The following ENTHD1 variants were observed in gnomAD, a reference collection of about 807,000 sequenced individuals.
ENTHD1 encodes the protein ENTH domain containing 1.
A neutral mutation model predicts 39.1 loss-of-function variants in ENTHD1; 23 were observed. That is an observed-to-expected ratio of 0.59 (90% CI 0.42 to 0.83). The LOEUF (loss-of-function observed/expected upper bound fraction) is 0.83. ENTHD1 is among the 40% of genes least tolerant of loss of function. The probability of loss-of-function intolerance (pLI) is 0.00; values close to 1 mark genes in which losing one functional copy is unlikely to be tolerated. For missense variants in ENTHD1, 624 were observed against 705.4 expected (o/e 0.88, Z 1.31); for synonymous variants, 230 against 258.2 (o/e 0.89, Z 1.05).
intron 3 of ENTHD1, among the ~76,000 whole-genome samples, chr22:39,854,001 G>A (rs1601643370): frequency 6.6e-6 from 1 of 152,342 alleles, no homozygotes; most frequent in East Asian, 1.9e-4. Flanking sequence ...CATCCTGGAA[G>A]CTCAGGGCAC....
chr22:39,863,369 A>T (rs549887176), intron 2 of ENTHD1, among the ~76,000 whole-genome samples: 3 of 152,352 alleles, frequency 2.0e-5, no homozygotes, highest in Admixed American at 1.3e-4. Context: ...GCTTTTTAAC[A>T]GAGTGACAGA....
intron 5 of ENTHD1, among the ~76,000 whole-genome samples, chr22:39,790,573 A>G (rs1252725238): frequency 6.6e-6 from 1 of 152,194 alleles, no homozygotes; most frequent in African/African-American, 2.4e-5. Context: ...TCTCTCCTAC[A>G]TAACTCACAT....
At chr22:39,854,759 C>T (rs767819129) in intron 3 of ENTHD1, among the ~76,000 whole-genome samples, 1 of 151,948 alleles carries the variant, frequency 6.6e-6, no homozygotes, top group Non-Finnish European at 1.5e-5. Flanking sequence ...CTTTAAAGTG[C>T]CTCTTTTCCC....
intron 4 of ENTHD1, among the ~76,000 whole-genome samples, chr22:39,822,153 G>A (rs1026669808): frequency 6.6e-6 from 1 of 151,326 alleles, no homozygotes; most frequent in East Asian, 1.9e-4. Flanking sequence ...GTTTGAAAAG[G>A]ATCCAAATCA....
At chr22:39,865,537 G>A (rs1292257469) in intron 2 of ENTHD1, among the ~76,000 whole-genome samples, 1 of 152,106 alleles carries the variant, frequency 6.6e-6, no homozygotes, top group Non-Finnish European at 1.5e-5. Context: ...GAAAAGAAAG[G>A]GAGGACAGCA....
chr22:39,792,974 G>A (rs1216142784), intron 5 of ENTHD1, among the ~76,000 whole-genome samples: 1 of 152,120 alleles, frequency 6.6e-6, no homozygotes, highest in Admixed American at 6.5e-5. Context: ...GGATCATATA[G>A]TAGGCCTATT....
intron 5 of ENTHD1, among the ~76,000 whole-genome samples, chr22:39,791,854 T>A (rs1402674506): frequency 6.6e-6 from 1 of 152,074 alleles, no homozygotes; most frequent in African/African-American, 2.4e-5. Flanking sequence ...TTTTGTTTGT[T>A]TGTTTTGTTT....
chr22:39,775,363 A>G (rs907042511), intron 5 of ENTHD1, among the ~76,000 whole-genome samples: 1 of 152,198 alleles, frequency 6.6e-6, no homozygotes, highest in Admixed American at 6.5e-5. Context: ...TCAATGAATC[A>G]TAAGCTGGAT....
intron 2 of ENTHD1, among the ~76,000 whole-genome samples, chr22:39,879,462 C>CAAAAAAAAAAAAA (rs34372930): frequency 6.1e-5 from 1 of 16,442 alleles, no homozygotes; most frequent in Non-Finnish European, 1.1e-4. Context: ...GACTCTGTCT[C>CAAAAAAAAAAAAA]AAAAAAAAAA....
intron 5 of ENTHD1, among the ~76,000 whole-genome samples, chr22:39,770,191 T>C (rs1341835467): frequency 6.6e-6 from 1 of 152,188 alleles, no homozygotes; most frequent in African/African-American, 2.4e-5. Flanking sequence ...TTTGTGATAC[T>C]GGAGCTGTGA....
intron 3 of ENTHD1, among the ~76,000 whole-genome samples, chr22:39,857,029 T>C (rs548824436): frequency 7.2e-5 from 11 of 152,264 alleles, no homozygotes; most frequent in Non-Finnish European, 1.2e-4. Flanking sequence ...AAATAATAAA[T>C]TGTAGCAAAA....
chr22:39,890,363 GT>G (rs149723031), intron 1 of ENTHD1, among the ~76,000 whole-genome samples: 11,211 of 150,424 alleles, frequency 0.075, 1,416 homozygotes, highest in African/African-American at 0.26. Context: ...AAGCAGGAGG[GT>G]TTTTTTTTCT....
At chr22:39,788,098 GC>G (rs2065474049) in intron 5 of ENTHD1, among the ~76,000 whole-genome samples, 2 of 152,196 alleles carry the variant, frequency 1.3e-5, no homozygotes, top group African/African-American at 4.8e-5. Context: ...CCATTCTGCA[GC>G]CCATGGATCA....
chr22:39,743,401 A>G lies in ENTHD1; in HGVS notation c.*278T>C, dbSNP rs1266508157. 2 of 300,748 alleles carry G rather than the reference A, an allele frequency of 6.7e-6. No individual in the cohort carries two copies. Among genetic ancestry groups the G allele is most frequent in the Non-Finnish European group, 1.2e-5 (2 of 164,404 alleles). The allele number at this position is 300,748 out of a possible 1,614,324, so 18.6% of individuals were successfully genotyped here. A position where few individuals can be genotyped will look rare whatever the true frequency, so the allele number is the denominator to read the frequency against. ...TTACCACAATTTTCACTAATGCTTA[A>G]CCCATTTGAGGTACAGAGCATGAAA... On this transcript the variant is annotated 3_prime_UTR_variant, in exon 7 of 7. Transcript: ENST00000325157.
intron 4 of ENTHD1, among the ~76,000 whole-genome samples, chr22:39,830,318 G>T (rs995933968): frequency 6.6e-6 from 1 of 151,976 alleles, no homozygotes; most frequent in East Asian, 1.9e-4. Flanking sequence ...CAAGTGATCC[G>T]TCCACCTCGG....
intron 4 of ENTHD1, among the ~76,000 whole-genome samples, chr22:39,832,796 T>C (rs2065879499): frequency 6.6e-6 from 1 of 152,068 alleles, no homozygotes; most frequent in South Asian, 2.1e-4. Flanking sequence ...TAAATGTGTG[T>C]GAGAGTGAGT....
intron 3 of ENTHD1, among the ~76,000 whole-genome samples, chr22:39,852,682 A>T (rs1293112322): frequency 1.3e-5 from 2 of 152,200 alleles, no homozygotes; most frequent in Non-Finnish European, 2.9e-5. Flanking sequence ...CAATTGTAAC[A>T]CAAGGACAAT....
chr22:39,779,739 A>C (rs1465428080), intron 5 of ENTHD1, among the ~76,000 whole-genome samples: 2 of 152,210 alleles, frequency 1.3e-5, no homozygotes, highest in Non-Finnish European at 2.9e-5. Flanking sequence ...GATGGGTAAT[A>C]TAAAATATGT....
chr22:39,836,098 T>C (rs2065906201), intron 3 of ENTHD1, 140 bp from the exon 4 acceptor site: 1 of 524,174 alleles, frequency 1.9e-6, no homozygotes, highest in Admixed American at 3.2e-5. Context: ...AGTGGTAACC[T>C]ATGAGTGTTA....
Sources: gnomAD v4.1 joint callset for allele counts (sites outside exome capture counted in the v4.1 genomes callset) on GRCh38, gnomAD v4.1.1 for gene constraint, MANE v1.5 for transcripts, NCBI Gene and HGNC (gene_info 2026-07-23, HGNC 2026-07-21) for gene names.